NAALADL2: variants seen among roughly 807,000 people sequenced by gnomAD.
The protein encoded by NAALADL2 is inactive N-acetylated-alpha-linked acidic dipeptidase-like protein 2.
NAALADL2 carries 76 observed loss-of-function variants against 87.2 expected under a neutral mutation model. The ratio of observed to expected loss-of-function variants is 0.87; its 90% CI spans 0.72 to 1.05. The LOEUF is 1.05. Among genes scored for constraint, NAALADL2 ranks in the 50% least tolerant of loss-of-function variants. The pLI, the probability that NAALADL2 is intolerant of heterozygous loss-of-function variation, is 0.00. For missense variants in NAALADL2, 1,089 were observed against 945.8 expected, an observed-to-expected ratio of 1.15 and a Z score of -1.99; for synonymous variants, 354 against 331.0, an observed-to-expected ratio of 1.07 and a Z score of -0.75.
chr3:175,181,885 C>T (rs1408213517), intron 2 of NAALADL2, among the ~76,000 whole-genome samples: 1 of 150,838 alleles, frequency 6.6e-6, no homozygotes, highest in Non-Finnish European at 1.5e-5. Flanking sequence ...CTCTTTGAGA[C>T]ACTCCTTTTA....
At chr3:174,641,733 C>T (rs944829683) in intron 2 of NAALADL2, among the ~76,000 whole-genome samples, 1 of 149,190 alleles carries the variant, frequency 6.7e-6, no homozygotes, top group African/African-American at 2.5e-5. Flanking sequence ...CAAATAGTGA[C>T]TTTCTCAAGG....
chr3:174,948,366 G>A (rs567099831), intron 1 of NAALADL2, among the ~76,000 whole-genome samples: 6 of 152,072 alleles, frequency 3.9e-5, no homozygotes, highest in African/African-American at 1.2e-4. Flanking sequence ...TAGTAGAGAC[G>A]GGGTTTCACC....
chr3:175,439,002 CT>C (rs1719229049), intron 5 of NAALADL2, among the ~76,000 whole-genome samples: 1 of 152,104 alleles, frequency 6.6e-6, no homozygotes, highest in Non-Finnish European at 1.5e-5. Context: ...CCCTCACCCC[CT>C]CCCATCCTTT....
In NAALADL2 at chr3:175,698,483, T is replaced by TTATTTA. The variant is rs1553953640; in HGVS notation, c.1897-38820_1897-38819insTTATAT. On this transcript the variant is annotated intron_variant, in intron 11 of 13. Transcript: ENST00000454872. ...TGTGTATATATGTGTGTATATATAT[T>TTATTTA]TATATATATATATATATATAAAATC... is the stretch of plus-strand genomic sequence containing the variant. Among the ~76,000 whole-genome samples, 5 of 67,774 alleles carry TTATTTA rather than the reference T, an allele frequency of 7.4e-5. 1 individual carries two copies. Among genetic ancestry groups the TTATTTA allele is most frequent in the African/African-American group, 4.5e-4 (5 of 11,054 alleles). The allele number at this position is 67,774 out of a possible 152,430, so 44.5% of individuals were successfully genotyped here.
At chr3:174,514,300 T>C (rs1337123919) in intron 1 of NAALADL2, among the ~76,000 whole-genome samples, 1 of 152,172 alleles carries the variant, frequency 6.6e-6, no homozygotes, top group Non-Finnish European at 1.5e-5. Flanking sequence ...CACATGCCAC[T>C]CGCTGCCTTA....
chr3:174,772,486 A>G (rs889659882), intron 3 of NAALADL2, among the ~76,000 whole-genome samples: 4 of 152,184 alleles, frequency 2.6e-5, no homozygotes, highest in Admixed American at 2.0e-4. Flanking sequence ...TGAAAAGTGT[A>G]GTGCTCTTAA....
chr3:174,799,264 T>TGTTGAATAGAA (rs1718518752), intron 3 of NAALADL2, among the ~76,000 whole-genome samples: 1 of 152,116 alleles, frequency 6.6e-6, no homozygotes, highest in Non-Finnish European at 1.5e-5. Flanking sequence ...TCTAGTACAA[T>TGTTGAATAGAA]GTTGAATAGA....
intron 2 of NAALADL2, among the ~76,000 whole-genome samples, chr3:174,670,150 A>G (rs1324493268): frequency 6.6e-6 from 1 of 151,880 alleles, no homozygotes; most frequent in African/African-American, 2.4e-5. Flanking sequence ...GAAACTTTAG[A>G]GTTTTGTACG....
At chr3:174,742,016 T>A (rs974930276) in intron 3 of NAALADL2, among the ~76,000 whole-genome samples, 10 of 151,770 alleles carry the variant, frequency 6.6e-5, no homozygotes, top group African/African-American at 2.4e-4. Context: ...ATGAACTGTT[T>A]CTAAAATTGA....
intron 3 of NAALADL2, among the ~76,000 whole-genome samples, chr3:174,787,599 A>ATG (rs1716908256): frequency 2.9e-5 from 2 of 67,880 alleles, no homozygotes; most frequent in African/African-American, 1.0e-4. Context: ...ATATATATAT[A>ATG]TATATATATA....
At chr3:175,263,936 A>G (rs533759333) in intron 4 of NAALADL2, among the ~76,000 whole-genome samples, 2 of 151,926 alleles carry the variant, frequency 1.3e-5, no homozygotes, top group East Asian at 3.9e-4. Context: ...ATCAATATAG[A>G]TATCTGCTGT....
In NAALADL2 at chr3:175,338,610, A is replaced by G. The variant is rs1303428155; in HGVS notation, c.1090+14285A>G. 1.9e-5 allele frequency among the ~76,000 whole-genome samples: 2 copies of G among 105,514 alleles called. 1 individual carries two copies. Among genetic ancestry groups the G allele is most frequent in the South Asian group, 7.7e-4 (2 of 2,604 alleles). 69.2% of individuals were successfully genotyped at this position (105,514 alleles called of 152,430 possible). A position where few individuals can be genotyped will look rare whatever the true frequency, so the allele number is the denominator to read the frequency against. On this transcript the variant is annotated intron_variant, in intron 5 of 13. Coordinates refer to ENST00000454872, the MANE Select transcript of NAALADL2 (RefSeq NM_207015.3). ...TACAAAAACCAAAAAAAAAAAAAAAAAAAACACCACAAACACACACACACA... is the reference window on the plus strand; with the variant it reads ...TACAAAAACCAAAAAAAAAAAAAAAGAAAACACCACAAACACACACACACA...
At chr3:175,463,729 A>AGAGAGAGAGAGAGG (rs200258642) in intron 7 of NAALADL2, among the ~76,000 whole-genome samples, 1 of 151,950 alleles carries the variant, frequency 6.6e-6, no homozygotes, top group African/African-American at 2.4e-5. Context: ...AGAGAGAGAG[A>AGAGAGAGAGAGAGG]GAGAGAGGTG....
intron 5 of NAALADL2, among the ~76,000 whole-genome samples, chr3:175,333,600 T>C (rs1761653550): frequency 2.0e-5 from 3 of 152,134 alleles, no homozygotes; most frequent in Non-Finnish European, 2.9e-5. Context: ...CTTACTCATA[T>C]GTAGGAGCTA....
intron 2 of NAALADL2, among the ~76,000 whole-genome samples, chr3:175,221,699 G>A (rs2109354375): frequency 6.6e-6 from 1 of 152,126 alleles, no homozygotes; most frequent in African/African-American, 2.4e-5. Flanking sequence ...ATGGCTTCCA[G>A]TAGTAGATAT....
In NAALADL2 at chr3:175,700,712, T is replaced by C. The variant is rs773427925; in HGVS notation, c.1897-36594T>C. The stretch of plus-strand genomic sequence containing the variant: ...CTGACTTCTTAATTGAGGAAATTAA[T>C]TGCAAATGATGTAAAGTCTGTTTTT... On this transcript the variant is annotated intron_variant, in intron 11 of 13. Coordinates refer to ENST00000454872, the MANE Select transcript of NAALADL2 (RefSeq NM_207015.3). Among the ~76,000 whole-genome samples the C allele has an allele frequency of 1.1e-3, 162 of 152,294 alleles. 1 individual carries two copies. The highest frequency in any genetic ancestry group is 1.5e-3 in the Non-Finnish European group (102 of 68,010).
intron 9 of NAALADL2, among the ~76,000 whole-genome samples, chr3:175,541,301 A>G (rs920273950): frequency 6.6e-6 from 1 of 152,350 alleles, no homozygotes; most frequent in South Asian, 2.1e-4. Context: ...TGATGGAGTT[A>G]TGTCCTAATA....
chr3:174,570,346 T>G (rs1714783294), intron 2 of NAALADL2, among the ~76,000 whole-genome samples: 1 of 152,168 alleles, frequency 6.6e-6, no homozygotes, highest in African/African-American at 2.4e-5. Context: ...TATTAACATT[T>G]GTATAGCTAC....
chr3:175,263,810 CT>C (rs1751494521), intron 4 of NAALADL2, among the ~76,000 whole-genome samples: 2 of 151,524 alleles, frequency 1.3e-5, no homozygotes, highest in Non-Finnish European at 3.0e-5. Flanking sequence ...AGTTCGCCCC[CT>C]AAAAGTACCC....
Sources: gnomAD v4.1 joint callset for allele counts (sites outside exome capture counted in the v4.1 genomes callset) on GRCh38, gnomAD v4.1.1 for gene constraint, MANE v1.5 for transcripts, NCBI Gene and HGNC (gene_info 2026-07-23, HGNC 2026-07-21) for gene names.